Variants in KIRREL3 observed in about 807,000 individuals in gnomAD.
KIRREL3 encodes the protein kirre like nephrin family adhesion molecule 3, also known as kin of IRRE-like protein 3.
KIRREL3 carries 36 observed loss-of-function variants against 89.7 expected under a neutral mutation model. That is an observed-to-expected ratio of 0.40 (90% CI 0.31 to 0.53). The LOEUF (loss-of-function observed/expected upper bound fraction) is 0.53, where lower values mean the gene tolerates loss of function less well. Among genes scored for constraint, KIRREL3 ranks in the 20% least tolerant of loss-of-function variants. KIRREL3 has a pLI of 0.49. For missense variants in KIRREL3, 864 were observed against 1,056.6 expected (o/e 0.82, Z 2.53); for synonymous variants, 445 against 441.4 (o/e 1.01, Z -0.10).
Position 126,917,977 on chromosome 11 carries a change from C to T in KIRREL3, c.55+82478G>A, listed in dbSNP as rs747087593. ...GCAGAATTTAGATGCTGTGACTCAT[C>T]TCTCCAAGCTGGGTTTCCATAAGAC... On this transcript the variant is annotated intron_variant, in intron 1 of 16. Coordinates refer to ENST00000525144, the MANE Select transcript of KIRREL3 (RefSeq NM_032531.4). This position sits in a 1 kb window ranked among gnomAD's most constrained non-coding sequence, Gnocchi z 5.0. 2.0e-5 allele frequency among the ~76,000 whole-genome samples: 3 copies of T among 152,196 alleles called. No individual in the cohort carries two copies.
intron 2 of KIRREL3, among the ~76,000 whole-genome samples, chr11:126,543,714 C>T (rs1359752214): frequency 6.6e-6 from 1 of 152,200 alleles, no homozygotes; most frequent in East Asian, 1.9e-4. Context: ...CCATGGTGCC[C>T]TTGGGGCTGA....
At chr11:126,518,649 G>A (rs1357242403) in intron 4 of KIRREL3, among the ~76,000 whole-genome samples, 1 of 152,254 alleles carries the variant, frequency 6.6e-6, no homozygotes, top group African/African-American at 2.4e-5. Flanking sequence ...CAAAGCAGAT[G>A]GGGTCTTGGT....
intron 4 of KIRREL3, 48 bp from the exon 5 acceptor site, chr11:126,473,514 C>A (rs777976287): frequency 1.4e-6 from 2 of 1,466,080 alleles, no homozygotes; most frequent in East Asian, 2.4e-5. Context: ...CCACCTCGGG[C>A]AGGACGGCAG....
rs1281062685 is a variant in KIRREL3 at position 126,656,799 on chromosome 11, C to T, written c.56-93887G>A. Among the ~76,000 whole-genome samples the T allele has an allele frequency of 6.6e-6, 1 of 152,142 alleles. No homozygotes were observed. Among genetic ancestry groups the T allele is most frequent in the East Asian group, 1.9e-4 (1 of 5,198 alleles). On this transcript the variant is annotated intron_variant, in intron 1 of 16. Transcript: ENST00000525144. This position sits in a 1 kb window ranked among gnomAD's most constrained non-coding sequence, Gnocchi z 4.0. The stretch of plus-strand genomic sequence containing the variant: ...AGGCGTGGTGGCTCATGCCTGTGGT[C>T]CCAGCACTTTGGGAGGCCAAGGTGT...
At position 126,485,796 on chromosome 11, in the gene KIRREL3, C is replaced by T. The variant is rs1171387047; in HGVS notation, c.434-12330G>A. 6.6e-6 allele frequency among the ~76,000 whole-genome samples: 1 copy of T among 152,222 alleles called. No homozygotes were observed. The highest frequency in any genetic ancestry group is 1.5e-5 in the Non-Finnish European group (1 of 68,042). On this transcript the variant is annotated intron_variant, in intron 4 of 16. Coordinates refer to ENST00000525144, the MANE Select transcript of KIRREL3 (RefSeq NM_032531.4). This position sits in a 1 kb window ranked among gnomAD's most constrained non-coding sequence, Gnocchi z 5.8. ...GAATGGTCAGTACCTTGCCTCAAAG[C>T]ACCTTTAAACCACTAGAGCGATGAC...
chr11:126,913,374 T>C (rs1332627284), intron 1 of KIRREL3, among the ~76,000 whole-genome samples: 2 of 152,212 alleles, frequency 1.3e-5, no homozygotes, highest in African/African-American at 4.8e-5. Flanking sequence ...GCTAGTGACC[T>C]TTTTTAGACT....
intron 1 of KIRREL3, among the ~76,000 whole-genome samples, chr11:126,833,915 C>T (rs1019078963): frequency 6.6e-6 from 1 of 152,214 alleles, no homozygotes; most frequent in African/African-American, 2.4e-5. Context: ...AAGCTTTATT[C>T]CCTTGCAAGT....
At chr11:126,482,825 A>T (rs945606447) in intron 4 of KIRREL3, among the ~76,000 whole-genome samples, 1 of 152,144 alleles carries the variant, frequency 6.6e-6, no homozygotes, top group African/African-American at 2.4e-5. Context: ...TGAGGCACAC[A>T]CTGCTTATGG....
Position 126,443,791 on chromosome 11 carries a change from G to T in KIRREL3, c.1252+1188C>A, listed in dbSNP as rs1012593221. Reference sequence around the variant, plus strand: ...GACCTCAGGAGGGCCCTGCTCTGGGGCCAGGACCCAGATGTCCTGCAAATG... The same window carrying T: ...GACCTCAGGAGGGCCCTGCTCTGGGTCCAGGACCCAGATGTCCTGCAAATG... On this transcript the variant is annotated intron_variant, in intron 10 of 16. Coordinates refer to ENST00000525144, the MANE Select transcript of KIRREL3 (RefSeq NM_032531.4). The surrounding 1 kb of genome is among the most constrained non-coding windows in gnomAD (Gnocchi z 7.3). Among the ~76,000 whole-genome samples, 1 of 152,148 alleles carries T rather than the reference G, an allele frequency of 6.6e-6. No individual in the cohort carries two copies. The highest frequency in any genetic ancestry group is 6.5e-5 in the Admixed American group (1 of 15,280).
At chr11:126,840,886 A>C (rs781232815) in intron 1 of KIRREL3, among the ~76,000 whole-genome samples, 1 of 152,274 alleles carries the variant, frequency 6.6e-6, no homozygotes, top group African/African-American at 2.4e-5. Context: ...GATGCCAAAA[A>C]GAAGCTGTAA....
At position 126,436,025 on chromosome 11, in the gene KIRREL3, G is replaced by A. The variant is rs571971003; in HGVS notation, c.1553-722C>T. Among the ~76,000 whole-genome samples the A allele has an allele frequency of 7.9e-5, 12 of 152,296 alleles. No individual in the cohort carries two copies. In the South Asian group the frequency reaches 1.9e-3, roughly 24 times the overall value. Reference sequence around the variant, plus strand: ...GTGGGGCTTCTGGAGCCACCCCTCCGTGCCCCTCCAAGGCTCCCCATCCTG... The same window carrying A: ...GTGGGGCTTCTGGAGCCACCCCTCCATGCCCCTCCAAGGCTCCCCATCCTG... On this transcript the variant is annotated intron_variant, in intron 12 of 16. Transcript: ENST00000525144.
intron 1 of KIRREL3, among the ~76,000 whole-genome samples, chr11:126,907,857 G>A (rs1946648892): frequency 6.6e-6 from 1 of 152,026 alleles, no homozygotes; most frequent in South Asian, 2.1e-4. Context: ...ATCAAGTCCA[G>A]GCCCTTTCCT....
At chr11:126,818,624 A>AGT (rs758712840) in intron 1 of KIRREL3, among the ~76,000 whole-genome samples, 10,093 of 56,336 alleles carry the variant, frequency 0.18, 386 homozygotes, top group Middle Eastern at 0.2. Context: ...TAGTAGTAGT[A>AGT]GTGTGTGTGT....
rs775306762 is a variant in KIRREL3, at chr11:127,000,515, A to T, written c.-6T>A. The stretch of plus-strand genomic sequence containing the variant: ...TCGAGCTGGAAGGGTTTCATTCCTT[A>T]GCGCAGCGAAGGAAAGCCGGCGGGG... On this transcript the variant is annotated 5_prime_UTR_variant, in exon 1 of 17. Transcript: ENST00000525144. The surrounding 1 kb of genome is among the most constrained non-coding windows in gnomAD (Gnocchi z 7.1). The T allele has an allele frequency of 6.2e-7, 1 of 1,603,466 alleles. No homozygotes were observed. The highest frequency in any genetic ancestry group is 1.3e-5 in the African/African-American group (1 of 74,726).
At chr11:126,760,368 A>C (rs1213200076) in intron 1 of KIRREL3, among the ~76,000 whole-genome samples, 4 of 152,198 alleles carry the variant, frequency 2.6e-5, no homozygotes, top group Non-Finnish European at 4.4e-5. Flanking sequence ...GCTCAGCCTA[A>C]CTGCTCTCTC....
intron 1 of KIRREL3, among the ~76,000 whole-genome samples, chr11:126,841,470 T>C (rs1180897152): frequency 1.3e-5 from 2 of 152,176 alleles, no homozygotes; most frequent in Non-Finnish European, 2.9e-5. Flanking sequence ...AAAAAGACTC[T>C]CCTGTGGTGT....
rs1326103205 is a variant in KIRREL3 at position 127,000,130 on chromosome 11, T to G, written c.55+325A>C. Among the ~76,000 whole-genome samples, 1 of 152,108 alleles carries G rather than the reference T, an allele frequency of 6.6e-6. No individual in the cohort carries two copies. The highest frequency in any genetic ancestry group is 1.5e-5 in the Non-Finnish European group (1 of 68,028). On this transcript the variant is annotated intron_variant, in intron 1 of 16. Transcript: ENST00000525144. This position sits in a 1 kb window ranked among gnomAD's most constrained non-coding sequence, Gnocchi z 7.1. ...AGGTGCCCAGAAGTTCAGAGCGGCA[T>G]AACCACAGAGATACTACCTAATTAA...
At chr11:126,774,900 T>A (rs181540188) in intron 1 of KIRREL3, among the ~76,000 whole-genome samples, 18 of 152,286 alleles carry the variant, frequency 1.2e-4, no homozygotes, top group Admixed American at 4.6e-4. Context: ...CTGCTCCTGC[T>A]CCTGTCTGCT....
chr11:126,700,177 G>C (rs1351906202), intron 1 of KIRREL3, among the ~76,000 whole-genome samples: 2 of 136,632 alleles, frequency 1.5e-5, no homozygotes, highest in Non-Finnish European at 3.1e-5. Context: ...CTAGGAGACA[G>C]AGTAAGACTT....
Sources: gnomAD v4.1 joint callset for allele counts (sites outside exome capture counted in the v4.1 genomes callset) on GRCh38, gnomAD v4.1.1 for gene constraint, Gnocchi (gnomAD v3.1) non-coding constraint, MANE v1.5 for transcripts, NCBI Gene and HGNC (gene_info 2026-07-23, HGNC 2026-07-21) for gene names.